RYK: variants seen among roughly 807,000 people sequenced by gnomAD.
RYK encodes the protein receptor like tyrosine kinase, also known as inactive tyrosine-protein kinase RYK.
RYK carries 21 observed loss-of-function variants against 70.2 expected under a neutral mutation model. The observed-to-expected ratio is 0.30, with a 90% CI of 0.21 to 0.43. The LOEUF (loss-of-function observed/expected upper bound fraction) is 0.43. Ranked by LOEUF, RYK falls within the 20% of genes least tolerant of loss-of-function variation. The pLI is 1.00. For synonymous variants in RYK, 267 were observed against 278.0 expected (o/e 0.96, Z 0.39); for missense variants, 604 against 753.3 (o/e 0.80, Z 2.32).
At chr3:134,250,301 G>T in intron 1 of RYK, 122 bp downstream of exon 1, 1 of 428,964 alleles carries the variant, frequency 2.3e-6, no homozygotes, top group Non-Finnish European at 3.7e-6. Flanking sequence ...AGGCGAATCC[G>T]GGCGCGGGGG....
intron 2 of RYK, 60 bp from the exon 3 acceptor site, chr3:134,211,667 C>A: frequency 1.8e-6 from 2 of 1,117,580 alleles, no homozygotes; most frequent in Non-Finnish European, 2.7e-6. Flanking sequence ...ATACTATCAG[C>A]TTGACTTCAT....
At chr3:134,220,911 T>C (rs2014714954) in intron 2 of RYK, among the ~76,000 whole-genome samples, 1 of 152,110 alleles carries the variant, frequency 6.6e-6, no homozygotes. Context: ...AATAATAAAA[T>C]GCTATTAAAA....
At chr3:134,250,397 GC>G (rs1478173838) in intron 1 of RYK, 25 bp downstream of exon 1, 3 of 1,353,338 alleles carry the variant, frequency 2.2e-6, no homozygotes, top group South Asian at 3.4e-5. Flanking sequence ...CGACCTGCCC[GC>G]CCCGGCCTCG....
intron 13 of RYK, among the ~76,000 whole-genome samples, chr3:134,169,966 G>A (rs540958016): frequency 3.0e-4 from 45 of 152,166 alleles, no homozygotes; most frequent in African/African-American, 1.0e-3. Context: ...CAACCCAAAT[G>A]TTAAAAAGCA....
At chr3:134,234,293 C>A (rs1159856474) in intron 1 of RYK, among the ~76,000 whole-genome samples, 1 of 152,126 alleles carries the variant, frequency 6.6e-6, no homozygotes, top group African/African-American at 2.4e-5. Context: ...TTTGTAACGA[C>A]ATTATCTTTG....
At chr3:134,163,636 T>G (rs960113616) in intron 13 of RYK, among the ~76,000 whole-genome samples, 8 of 152,218 alleles carry the variant, frequency 5.3e-5, no homozygotes, top group Non-Finnish European at 1.2e-4. Flanking sequence ...TAACTAAAGA[T>G]GGAGCTACTG....
intron 1 of RYK, among the ~76,000 whole-genome samples, chr3:134,241,015 G>T: frequency 6.6e-6 from 1 of 151,946 alleles, no homozygotes; most frequent in East Asian, 1.9e-4. Flanking sequence ...ACAAACACAT[G>T]CATATGCACA....
At chr3:134,250,089 TC>T (rs2015571796) in intron 1 of RYK, among the ~76,000 whole-genome samples, 1 of 152,078 alleles carries the variant, frequency 6.6e-6, no homozygotes, top group South Asian at 2.1e-4. Context: ...CAAAAAAACT[TC>T]GTGCAGCAAG....
At chr3:134,247,757 G>T (rs2107700430) in intron 1 of RYK, among the ~76,000 whole-genome samples, 1 of 151,734 alleles carries the variant, frequency 6.6e-6, no homozygotes. Flanking sequence ...ATATTAACTG[G>T]ATTAAAACAA....
chr3:134,176,762 A>C (rs1394312085), intron 11 of RYK, among the ~76,000 whole-genome samples: 1 of 151,874 alleles, frequency 6.6e-6, no homozygotes, highest in African/African-American at 2.4e-5. Flanking sequence ...AAACAAAAAA[A>C]CCCTGCAGCT....
At chr3:134,206,091 A>T (rs1486633987) in intron 5 of RYK, among the ~76,000 whole-genome samples, 2 of 152,062 alleles carry the variant, frequency 1.3e-5, no homozygotes, top group African/African-American at 2.4e-5. Flanking sequence ...CAACAGTGAC[A>T]TTTTTTTTAA....
At chr3:134,209,384 G>A (rs1207804764) in intron 4 of RYK, among the ~76,000 whole-genome samples, 1 of 152,142 alleles carries the variant, frequency 6.6e-6, no homozygotes, top group East Asian at 1.9e-4. Flanking sequence ...AGTTAACATA[G>A]TTACTCAGAA....
intron 10 of RYK, chr3:134,181,580 C>T (rs950487317): frequency 1.3e-5 from 2 of 152,110 alleles, no homozygotes; most frequent in African/African-American, 4.8e-5. Context: ...TGGGTAGTCA[C>T]CTTATTTTTC....
At chr3:134,228,757 A>G (rs2014976918) in intron 1 of RYK, among the ~76,000 whole-genome samples, 1 of 152,220 alleles carries the variant, frequency 6.6e-6, no homozygotes, top group Non-Finnish European at 1.5e-5. Flanking sequence ...ACAAACTTAC[A>G]GTTAGATAAG....
At chr3:134,182,940 A>G in intron 10 of RYK, 62 bp downstream of exon 10, 2 of 1,024,670 alleles carry the variant, frequency 2.0e-6, no homozygotes, top group Non-Finnish European at 2.9e-6. Context: ...TTCTGCACAT[A>G]AAAATGTGGC....
intron 7 of RYK, among the ~76,000 whole-genome samples, chr3:134,193,331 G>C (rs962181718): frequency 4.3e-4 from 66 of 151,918 alleles, no homozygotes; most frequent in Middle Eastern, 3.2e-3. Context: ...CTACAGGCGC[G>C]AGCCACCACA....
intron 13 of RYK, among the ~76,000 whole-genome samples, chr3:134,160,811 C>T (rs147761043): frequency 0.024 from 3,591 of 152,174 alleles, 133 homozygotes; most frequent in African/African-American, 0.081. Flanking sequence ...GCCGAGATCG[C>T]GCCACTGCAC....
Position 134,243,508 on chromosome 3 carries a change from G to A in RYK, c.232+6915C>T, listed in dbSNP as rs114444350. Among the ~76,000 whole-genome samples, 934 of 152,292 alleles carry A rather than the reference G, an allele frequency of 6.1e-3. 12 individuals are homozygous for A. The highest frequency in any genetic ancestry group is 0.022 in the African/African-American group (894 of 41,544). On this transcript the variant is annotated intron_variant, in intron 1 of 14. Coordinates refer to ENST00000623711, the MANE Select transcript of RYK (RefSeq NM_002958.4). ...TAGCAGCTCACTGAAGAATTCACCT[G>A]TAAGAGTTCAAATTCCTACTCTAAC... is the stretch of plus-strand genomic sequence containing the variant.
intron 1 of RYK, among the ~76,000 whole-genome samples, chr3:134,229,206 C>T (rs1035053432): frequency 6.6e-6 from 1 of 152,070 alleles, no homozygotes; most frequent in Non-Finnish European, 1.5e-5. Context: ...AGCGCTCCCT[C>T]TCTGGGGCTC....
Sources: allele counts gnomAD v4.1 joint callset (sites outside exome capture counted in the v4.1 genomes callset), GRCh38; gene constraint gnomAD v4.1.1; transcripts MANE v1.5; gene names NCBI Gene and HGNC (gene_info 2026-07-23, HGNC 2026-07-21).